Variants in FAM227B observed in about 807,000 individuals in gnomAD.
FAM227B encodes family with sequence similarity 227 member B, also known as protein FAM227B.
A neutral mutation model predicts 73.8 loss-of-function variants in FAM227B; 88 were observed. The observed-to-expected ratio is 1.19, with a 90% CI of 1.00 to 1.42. The LOEUF is 1.42. Among genes scored for constraint, FAM227B ranks in the 40% most tolerant of loss-of-function variants. The pLI is 0.00. For missense variants in FAM227B, 632 were observed against 590.9 expected (o/e 1.07, Z -0.72); for synonymous variants, 210 against 190.5 (o/e 1.10, Z -0.84).
At chr15:49,491,332 C>T (rs1567387537) in intron 11 of FAM227B, among the ~76,000 whole-genome samples, 1 of 151,844 alleles carries the variant, frequency 6.6e-6, no homozygotes, top group Non-Finnish European at 1.5e-5. Flanking sequence ...AATTGAAGAC[C>T]CATATTGGCT....
chr15:49,353,483 A>C (rs1273815807), intron 13 of FAM227B: 1 of 152,162 alleles, frequency 6.6e-6, no homozygotes, highest in Non-Finnish European at 1.5e-5. Context: ...GTATGTTTTG[A>C]ACAAAAATAT....
chr15:49,365,736 T>A, intron 13 of FAM227B: 1 of 881,370 alleles, frequency 1.1e-6, no homozygotes. Flanking sequence ...AGATATCTTG[T>A]AAAATCCAAG....
chr15:49,510,960 G>GTT (rs35131264), intron 10 of FAM227B, among the ~76,000 whole-genome samples: 11 of 144,166 alleles, frequency 7.6e-5, no homozygotes, highest in African/African-American at 2.3e-4. Context: ...TTCTCTGGAA[G>GTT]TTTTTTTTTT....
At chr15:49,566,058 T>C (rs2074633088) in intron 9 of FAM227B, among the ~76,000 whole-genome samples, 1 of 152,142 alleles carries the variant, frequency 6.6e-6, no homozygotes, top group South Asian at 2.1e-4. Flanking sequence ...GCTAAGAAAA[T>C]TAATTTCTAT....
At chr15:49,382,207 T>C (rs997324160) in intron 11 of FAM227B, among the ~76,000 whole-genome samples, 4 of 152,050 alleles carry the variant, frequency 2.6e-5, no homozygotes, top group African/African-American at 7.2e-5. Context: ...AAAGTCATGA[T>C]AGAAGAATTA....
intron 11 of FAM227B, among the ~76,000 whole-genome samples, chr15:49,455,581 A>G (rs1285048458): frequency 6.6e-6 from 1 of 152,198 alleles, no homozygotes; most frequent in Non-Finnish European, 1.5e-5. Context: ...CAGTTATAAA[A>G]AAGTTTTTGG....
chr15:49,411,519 C>A (rs1206026339), intron 11 of FAM227B, among the ~76,000 whole-genome samples: 1 of 151,898 alleles, frequency 6.6e-6, no homozygotes, highest in Non-Finnish European at 1.5e-5. Context: ...AATATGTCGA[C>A]ATGCTGAGTG....
intron 9 of FAM227B, among the ~76,000 whole-genome samples, chr15:49,561,839 A>T (rs1374390775): frequency 2.6e-5 from 4 of 152,174 alleles, no homozygotes; most frequent in African/African-American, 9.7e-5. Flanking sequence ...TCTGGTATGC[A>T]GCCAAAGCAA....
rs540236625 is a variant in FAM227B at position 49,566,975 on chromosome 15, G to A, written c.747+1270C>T. Among the ~76,000 whole-genome samples the A allele has an allele frequency of 7.9e-5, 12 of 152,212 alleles. No homozygotes were observed. The South Asian group carries it at 2.5e-3, about 32-fold the overall frequency. ...AGTAGAAACAGAAACTAAAGAATGG[G>A]GGATACACAATGTTACCACCATTTT... On this transcript the variant is annotated intron_variant, in intron 9 of 15. Transcript: ENST00000299338.
chr15:49,596,681 G>A (rs983939269), intron 3 of FAM227B, among the ~76,000 whole-genome samples: 3 of 151,886 alleles, frequency 2.0e-5, no homozygotes, highest in Admixed American at 6.6e-5. Flanking sequence ...CAGAATGGCA[G>A]AATGGATAAG....
chr15:49,468,002 A>G (rs929660915), intron 11 of FAM227B, among the ~76,000 whole-genome samples: 1 of 152,200 alleles, frequency 6.6e-6, no homozygotes, highest in African/African-American at 2.4e-5. Flanking sequence ...AAATTCTGAT[A>G]TAGTTCTAAC....
chr15:49,436,874 T>C (rs1219492565), intron 11 of FAM227B, among the ~76,000 whole-genome samples: 2 of 151,622 alleles, frequency 1.3e-5, no homozygotes, highest in Non-Finnish European at 3.0e-5. Context: ...TACAAATAAC[T>C]GAAGTTTTCT....
At chr15:49,509,525 A>G (rs531047086) in intron 10 of FAM227B, among the ~76,000 whole-genome samples, 1 of 152,000 alleles carries the variant, frequency 6.6e-6, no homozygotes, top group African/African-American at 2.4e-5. Context: ...GCAGACGTGA[A>G]ATTATTTAAC....
chr15:49,355,468 T>C (rs1210748751), intron 13 of FAM227B, among the ~76,000 whole-genome samples: 1 of 152,000 alleles, frequency 6.6e-6, no homozygotes, highest in African/African-American at 2.4e-5. Context: ...GCCGATGCGA[T>C]CAACTGGAAG....
chr15:49,479,179 A>C (rs1358689500), intron 11 of FAM227B, among the ~76,000 whole-genome samples: 3 of 152,210 alleles, frequency 2.0e-5, no homozygotes, highest in Admixed American at 2.0e-4. Context: ...TATTGCTGAC[A>C]AGGCTAAATG....
chr15:49,390,624 C>A (rs2047153889), intron 11 of FAM227B, among the ~76,000 whole-genome samples: 1 of 151,968 alleles, frequency 6.6e-6, no homozygotes, highest in African/African-American at 2.4e-5. Flanking sequence ...TCATTTCAGG[C>A]TTTTATCCTC....
At chr15:49,370,735 A>G (rs1013636690) in intron 12 of FAM227B, among the ~76,000 whole-genome samples, 1 of 152,210 alleles carries the variant, frequency 6.6e-6, no homozygotes, top group African/African-American at 2.4e-5. Flanking sequence ...ACAAATTAAG[A>G]TATCAAATTC....
At chr15:49,593,050 T>C (rs144947517) in intron 3 of FAM227B, among the ~76,000 whole-genome samples, 1 of 152,258 alleles carries the variant, frequency 6.6e-6, no homozygotes, top group East Asian at 1.9e-4. Context: ...AAAGGCACAG[T>C]ATTTGGGCAG....
At chr15:49,554,117 C>T (rs576024366) in intron 9 of FAM227B, among the ~76,000 whole-genome samples, 26 of 152,228 alleles carry the variant, frequency 1.7e-4, no homozygotes, top group Admixed American at 1.6e-3. Context: ...GGAATAAGGG[C>T]CTCCCATCTC....
Sources: gnomAD v4.1 joint callset for allele counts (sites outside exome capture counted in the v4.1 genomes callset) on GRCh38, gnomAD v4.1.1 for gene constraint, MANE v1.5 for transcripts, NCBI Gene and HGNC (gene_info 2026-07-23, HGNC 2026-07-21) for gene names.